The following OLFM4 variants were observed in gnomAD, a reference collection of about 807,000 sequenced individuals.
OLFM4 encodes the protein olfactomedin 4.
OLFM4 carries 22 observed loss-of-function variants against 25.5 expected under a neutral mutation model. The observed-to-expected ratio is 0.86, with a 90% CI of 0.62 to 1.23. The LOEUF is 1.23. Ranked by LOEUF, OLFM4 falls within the 50% of genes most tolerant of loss-of-function variation. OLFM4 has a pLI of 0.00. For missense variants in OLFM4, 594 were observed against 619.4 expected (o/e 0.96, Z 0.44); for synonymous variants, 255 against 237.7 (o/e 1.07, Z -0.67).
intron 2 of OLFM4, among the ~76,000 whole-genome samples, chr13:53,037,043 A>T (rs1286661756): frequency 6.6e-6 from 1 of 152,208 alleles, no homozygotes; most frequent in Non-Finnish European, 1.5e-5. Flanking sequence ...TCGAATTTCC[A>T]AGTGAGTTAT....
chr13:53,030,583 G>T (rs779536016), intron 1 of OLFM4, among the ~76,000 whole-genome samples: 3 of 152,182 alleles, frequency 2.0e-5, no homozygotes, highest in Non-Finnish European at 2.9e-5. Flanking sequence ...TTACAGGCAT[G>T]AGCCACCGCA....
intron 2 of OLFM4, among the ~76,000 whole-genome samples, chr13:53,038,740 C>G (rs1429384798): frequency 1.3e-5 from 2 of 152,234 alleles, no homozygotes; most frequent in Admixed American, 1.3e-4. Flanking sequence ...TCTCCCAAGA[C>G]TGCACCTCCC....
chr13:53,037,935 G>A (rs980527319), intron 2 of OLFM4, among the ~76,000 whole-genome samples: 2 of 152,090 alleles, frequency 1.3e-5, no homozygotes, highest in Non-Finnish European at 2.9e-5. Context: ...TTAATTATAA[G>A]GAACAATAAC....
chr13:53,039,364 G>A (rs1487339928), intron 2 of OLFM4, among the ~76,000 whole-genome samples: 1 of 152,172 alleles, frequency 6.6e-6, no homozygotes, highest in African/African-American at 2.4e-5. Context: ...TATCTGCAGT[G>A]CACTTCTCAG....
rs746591196 is a variant in OLFM4 at position 53,034,418 on chromosome 13, C to A, written c.275C>A (p.Thr92Asn). The A allele has an allele frequency of 4.3e-6, 7 of 1,614,086 alleles. No homozygotes were observed. The highest frequency in any genetic ancestry group is 5.9e-6 in the Non-Finnish European group (7 of 1,179,988). Residue 92 changes from threonine to asparagine, a missense_variant, in exon 2 of 5, where the codon ACC becomes AAC. By Grantham distance (65) the Thr-to-Asn change is moderately conservative. Coordinates refer to ENST00000219022, the MANE Select transcript of OLFM4 (RefSeq NM_006418.5). ...CAGTGCTCTGTTTCCCTGCCAGACACCACCTTTCCCGTGGACAGAGTGGAA... is the reference window on the plus strand; with the variant it reads ...CAGTGCTCTGTTTCCCTGCCAGACAACACCTTTCCCGTGGACAGAGTGGAA... ...TCQCSVSLPDTTFPVDRVERL... is the reference protein window; with the variant it reads ...TCQCSVSLPDNTFPVDRVERL...
intron 2 of OLFM4, among the ~76,000 whole-genome samples, chr13:53,035,145 A>C: frequency 6.8e-6 from 1 of 147,458 alleles, no homozygotes; most frequent in African/African-American, 2.5e-5. Flanking sequence ...TCTCCCTCTC[A>C]TCCTCCTCCC....
In OLFM4 at chr13:53,034,451, A is replaced by T. The variant is rs748682247; in HGVS notation, c.308A>T (p.Glu103Val). ...CCCGTGGACAGAGTGGAACGCTTGGAATTCACAGCTCATGTTCTTTCTCAG... is the reference window on the plus strand; with the variant it reads ...CCCGTGGACAGAGTGGAACGCTTGGTATTCACAGCTCATGTTCTTTCTCAG... The part of the protein sequence containing the change: ...TFPVDRVERL[E>V]FTAHVLSQKF... Residue 103 changes from glutamate to valine, a missense_variant, in exon 2 of 5, where the codon GAA becomes GTA. By Grantham distance (121) the Glu-to-Val change is moderately radical. Transcript: ENST00000219022. 1.9e-6 allele frequency: 3 copies of T among 1,614,094 alleles called. No individual in the cohort carries two copies. The highest frequency in any genetic ancestry group is 2.5e-6 in the Non-Finnish European group (3 of 1,179,998).
rs539281201 is a variant in OLFM4, at chr13:53,029,126, A to G, written c.204+86A>G. 6 of 1,559,778 alleles carry G rather than the reference A, an allele frequency of 3.8e-6. No homozygotes were observed. The East Asian group carries it at 1.4e-4, about 35-fold the overall frequency. On this transcript the variant is annotated intron_variant, in intron 1 of 4. Coordinates refer to ENST00000219022, the MANE Select transcript of OLFM4 (RefSeq NM_006418.5). ...CCTGAATACAATTTCATGGATGGCT[A>G]GACCTGGGCACTCTAAAAGATTTAC...
At chr13:53,045,125 A>G (rs962762828) in intron 4 of OLFM4, among the ~76,000 whole-genome samples, 1 of 152,100 alleles carries the variant, frequency 6.6e-6, no homozygotes, top group African/African-American at 2.4e-5. Context: ...TCAGGACCGA[A>G]GGTGTCAGGC....
At chr13:53,034,056 C>CAAAAAAA (rs397851637) in intron 1 of OLFM4, among the ~76,000 whole-genome samples, 2 of 41,062 alleles carry the variant, frequency 4.9e-5, no homozygotes, top group African/African-American at 7.2e-5. Flanking sequence ...GACTCCGTCT[C>CAAAAAAA]AAAAAAAAAA....
intron 3 of OLFM4, 72 bp from the exon 4 acceptor site, chr13:53,043,033 A>G (rs1026277496): frequency 8.2e-7 from 1 of 1,222,168 alleles, no homozygotes; most frequent in Non-Finnish European, 1.1e-6. Context: ...TAAATGACAA[A>G]TTCAGCCCTG....
At chr13:53,045,637 T>C (rs534282546) in intron 4 of OLFM4, among the ~76,000 whole-genome samples, 1 of 152,290 alleles carries the variant, frequency 6.6e-6, no homozygotes, top group South Asian at 2.1e-4. Context: ...AAAAAGACTA[T>C]ATGCAAGTCT....
intron 1 of OLFM4, among the ~76,000 whole-genome samples, chr13:53,033,228 A>C (rs1173316120): frequency 6.6e-6 from 1 of 152,228 alleles, no homozygotes; most frequent in African/African-American, 2.4e-5. Flanking sequence ...TGTGAGTCTG[A>C]ATATCTTAAA....
rs1403831585 is a variant in OLFM4, at chr13:53,034,398, C to G, written c.255C>G (p.Cys85Trp). 2.5e-6 allele frequency: 4 copies of G among 1,613,966 alleles called. No homozygotes were observed. ...TGGATGACCGTGGGACCTGCCAGTG[C>G]TCTGTTTCCCTGCCAGACACCACCT... ...GSVDDRGTCQ[C>W]SVSLPDTTFP... Residue 85 changes from cysteine (C) to tryptophan (W), a missense_variant, in exon 2 of 5, where the codon TGC (cysteine) becomes TGG (tryptophan). Transcript: ENST00000219022.
At position 53,050,022 on chromosome 13, in the gene OLFM4, C is replaced by A; in HGVS notation, c.784C>A (p.Leu262Ile). ...VNISKPSVVQ[L>I]NWRGFSYLYG... is the part of the protein sequence containing the mutation. ...CATCAGCAAACCGTCTGTGGTTCAG[C>A]TCAACTGGAGAGGGTTTTCTTATCT... The change falls in exon 5 of 5, where the codon CTC becomes ATC. Residue 262 changes from leucine (L) to isoleucine (I), a missense_variant. Transcript: ENST00000219022. 1 of 1,613,198 alleles carries A rather than the reference C, an allele frequency of 6.2e-7. No individual in the cohort carries two copies. The highest frequency in any genetic ancestry group is 8.5e-7 in the Non-Finnish European group (1 of 1,179,256).
intron 2 of OLFM4, among the ~76,000 whole-genome samples, chr13:53,035,441 A>G (rs1954653565): frequency 6.6e-6 from 1 of 152,144 alleles, no homozygotes; most frequent in African/African-American, 2.4e-5. Flanking sequence ...TCAAGCATTT[A>G]TCTTTTGTGT....
intron 1 of OLFM4, among the ~76,000 whole-genome samples, chr13:53,030,853 C>T (rs1026411162): frequency 6.6e-6 from 1 of 152,118 alleles, no homozygotes; most frequent in Admixed American, 6.6e-5. Flanking sequence ...TAAGTAGGCA[C>T]AAGGATTCTT....
rs1954746473 is a variant in OLFM4, at chr13:53,051,161, A to AGCACCACTAATTCTTCCATGCC, written c.*391_*412dup. On this transcript the variant is annotated 3_prime_UTR_variant, in exon 5 of 5. Coordinates refer to ENST00000219022, the MANE Select transcript of OLFM4 (RefSeq NM_006418.5). ...CCCAATGACTAGTCCTCATCCATGT[A>AGCACCACTAATTCTTCCATGCC]GCACCACTAATTCTTCCATGCCTGG... The AGCACCACTAATTCTTCCATGCC allele has an allele frequency of 6.1e-6, 1 of 162,656 alleles. No homozygotes were observed. The highest frequency in any genetic ancestry group is 6.3e-5 in the Admixed American group (1 of 15,754). 10.1% of individuals were successfully genotyped at this position (162,656 alleles called of 1,614,324 possible).
chr13:53,038,379 G>A (rs918678841), intron 2 of OLFM4, among the ~76,000 whole-genome samples: 8 of 152,108 alleles, frequency 5.3e-5, no homozygotes, highest in South Asian at 4.2e-4. Flanking sequence ...ATTGGTGAAC[G>A]TCATTGTATA....
Sources: allele counts gnomAD v4.1 joint callset (sites outside exome capture counted in the v4.1 genomes callset), GRCh38; gene constraint gnomAD v4.1.1; transcripts MANE v1.5; gene names NCBI Gene and HGNC (gene_info 2026-07-23, HGNC 2026-07-21).